Variants in STXBP2 observed in about 807,000 individuals in gnomAD.
The protein encoded by STXBP2 is syntaxin-binding protein 2.
A neutral mutation model predicts 72.2 loss-of-function variants in STXBP2; 47 were observed. The observed-to-expected ratio is 0.65, with a 90% confidence interval of 0.51 to 0.83. STXBP2 has a LOEUF of 0.83. Among genes scored for constraint, STXBP2 ranks in the 40% least tolerant of loss-of-function variants. STXBP2 has a pLI of 0.00. For synonymous variants in STXBP2, 367 were observed against 338.7 expected (o/e 1.08, Z -0.92); for missense variants, 702 against 807.6 (o/e 0.87, Z 1.58).
rs184106932 is a variant in STXBP2, at chr19:7,645,941, C to T, written c.1357-308C>T. On this transcript the variant is annotated intron_variant, in intron 15 of 18. Transcript: ENST00000221283. The stretch of plus-strand genomic sequence containing the variant: ...ATCTTCCTCTCTCTGTTTCCTGCTT[C>T]ATCTCTTGTCTCTCTCTTTGCCTTC... The T allele has an allele frequency of 1.2e-5, 6 of 490,002 alleles. No homozygotes were observed. The East Asian group carries it at 1.8e-4, about 15-fold the overall frequency. The allele number at this position is 490,002 out of a possible 1,614,324, so 30.4% of individuals were successfully genotyped here.
the STXBP2 span, chr19:7,630,030 TGGGG>T: frequency 1.7e-5 from 10 of 573,784 alleles, no homozygotes; most frequent in Admixed American, 4.8e-4. Flanking sequence ...GACGCTGGGC[TGGGG>T]GGGTTCTCGG....
intron 4 of STXBP2, chr19:7,640,064 G>A (rs1599391998): frequency 3.1e-6 from 2 of 639,726 alleles, no homozygotes; most frequent in East Asian, 6.1e-5. Context: ...GTGTATGTGT[G>A]TATGCGTGTG....
In STXBP2 at chr19:7,645,244, C is replaced by T; in HGVS notation, c.1294C>T (p.Gln432Ter). ...CAAGCTGATCCAGCATGCCAATGTA[C>T]AGGCGCACAGCAGCCTCATCCGTAA... ...LAKLIQHANV[Q>*]AHSSLIRNLE... Residue 432 changes from glutamine (Q) to a stop codon, truncating the protein, a stop_gained, in exon 15 of 19, where the codon CAG (glutamine) becomes TAG (stop). Transcript: ENST00000221283. LOFTEE classifies it high-confidence loss of function. 1.3e-6 allele frequency: 2 copies of T among 1,581,122 alleles called. No individual in the cohort carries two copies. Among genetic ancestry groups the T allele is most frequent in the Non-Finnish European group, 1.7e-6 (2 of 1,162,424 alleles).
At chr19:7,630,440 G>A in the STXBP2 span, 2 of 693,980 alleles carry the variant, frequency 2.9e-6, no homozygotes, top group African/African-American at 1.8e-5. Context: ...CCCTTGGTGG[G>A]AGTTCTGGGA....
chr19:7,643,550 C>A (rs1423198924), intron 13 of STXBP2, among the ~76,000 whole-genome samples: 2 of 149,404 alleles, frequency 1.3e-5, no homozygotes, highest in Non-Finnish European at 3.0e-5. Flanking sequence ...GTGGGTGGGA[C>A]CTTGGAGAGG....
chr19:7,633,561 C>T, upstream of STXBP2: 2 of 1,118,822 alleles, frequency 1.8e-6, no homozygotes, highest in Non-Finnish European at 2.6e-6. Flanking sequence ...CCCCCCATCC[C>T]CAAATCCCCA....
At chr19:7,635,933 T>G (rs1398399818), upstream of STXBP2, among the ~76,000 whole-genome samples, 1 of 152,110 alleles carries the variant, frequency 6.6e-6, no homozygotes, top group Non-Finnish European at 1.5e-5. Flanking sequence ...CCAGCCTTCT[T>G]AAGCTCGGGG....
chr19:7,631,067 G>C, the STXBP2 span: 1 of 744,932 alleles, frequency 1.3e-6, no homozygotes, highest in East Asian at 2.8e-5. Flanking sequence ...ACTTAGCCAG[G>C]CATGGTGGCA....
upstream of STXBP2, among the ~76,000 whole-genome samples, chr19:7,634,506 A>G (rs1026562978): frequency 2.0e-5 from 3 of 152,236 alleles, no homozygotes; most frequent in African/African-American, 4.8e-5. Flanking sequence ...GTCATAGACC[A>G]GATGGCTTAA....
At position 7,638,692 on chromosome 19, in the gene STXBP2, C is replaced by T. The variant is rs1647226450; in HGVS notation, c.38-34C>T. 9 of 1,612,996 alleles carry T rather than the reference C, an allele frequency of 5.6e-6. No individual in the cohort carries two copies. In the South Asian group the frequency reaches 7.7e-5, roughly 14 times the overall value. ...TGGGGCAGTGGTGGGACCAGAGAAC[C>T]AGCATTCTGACCCCTCCCCTCCCTT... On this transcript the variant is annotated intron_variant, in intron 1 of 18. Coordinates refer to ENST00000221283, the MANE Select transcript of STXBP2 (RefSeq NM_006949.4).
At position 7,642,239 on chromosome 19, in the gene STXBP2, G is replaced by A; in HGVS notation, c.700G>A (p.Asp234Asn). Residue 234 changes from aspartate (D) to asparagine (N), a missense_variant, in exon 9 of 19, where the codon GAC (aspartate) becomes AAC (asparagine). Asp to Asn is a conservative substitution (Grantham distance 23, BLOSUM62 1). Coordinates refer to ENST00000221283, the MANE Select transcript of STXBP2 (RefSeq NM_006949.4). This position sits in a 1 kb window ranked among gnomAD's most constrained non-coding sequence, Gnocchi z 6.0. ...EKTRSQLLIMDRAADPVSPLL... is the reference protein window; with the variant it reads ...EKTRSQLLIMNRAADPVSPLL... ...AACCCGCTCCCAGCTGCTGATAATG[G>A]ACCGGGCAGCTGACCCCGTGTCCCC... 1 of 1,614,156 alleles carries A rather than the reference G, an allele frequency of 6.2e-7. No homozygotes were observed. The highest frequency in any genetic ancestry group is 8.5e-7 in the Non-Finnish European group (1 of 1,180,018).
In STXBP2 at chr19:7,640,721, C is replaced by T. The variant is rs1271298334; in HGVS notation, c.247-10C>T. On this transcript the variant is annotated splice_polypyrimidine_tract_variant and intron_variant, in intron 4 of 18. Coordinates refer to ENST00000221283, the MANE Select transcript of STXBP2 (RefSeq NM_006949.4). ...AGGCTCAGGCCCAGAGAGTGATCCA[C>T]CTTCCCCAGTCGGTTCAGGCCCTGA... The T allele has an allele frequency of 6.2e-7, 1 of 1,614,178 alleles. No individual in the cohort carries two copies. Among genetic ancestry groups the T allele is most frequent in the Non-Finnish European group, 8.5e-7 (1 of 1,180,004 alleles).
chr19:7,642,751 C>T lies in STXBP2; in HGVS notation c.903-15C>T, dbSNP rs749966697. On this transcript the variant is annotated splice_polypyrimidine_tract_variant and intron_variant, in intron 10 of 18. Transcript: ENST00000221283. The surrounding 1 kb of genome is among the most constrained non-coding windows in gnomAD (Gnocchi z 6.0). ...CTCTCCCCTCACTCTCACCCCCGCC[C>T]ACCCTCATGGCCAGGAAGGTCACGG... 2 of 1,613,656 alleles carry T rather than the reference C, an allele frequency of 1.2e-6. No individual in the cohort carries two copies. The highest frequency in any genetic ancestry group is 1.7e-6 in the Non-Finnish European group (2 of 1,179,934).
At chr19:7,641,199 TAAAAA>T (rs1417339723) in intron 6 of STXBP2, 196 bp downstream of exon 6, 3 of 663,368 alleles carry the variant, frequency 4.5e-6, no homozygotes, top group Non-Finnish European at 5.4e-6. Flanking sequence ...CCCCGTCTCT[TAAAAA>T]AAGAAAAAGA....
chr19:7,640,122 G>A lies in STXBP2; in HGVS notation c.246+315G>A, dbSNP rs192889549. 7.7e-4 allele frequency: 442 copies of A among 572,746 alleles called. 3 individuals are homozygous for A. The highest frequency in any genetic ancestry group is 7.7e-3 in the African/African-American group (377 of 49,260). The allele number at this position is 572,746 out of a possible 1,614,324, so 35.5% of individuals were successfully genotyped here. On this transcript the variant is annotated intron_variant, in intron 4 of 18. Coordinates refer to ENST00000221283, the MANE Select transcript of STXBP2 (RefSeq NM_006949.4). ...TTTGTGTCTGTGCATGTGTGTATGC[G>A]TGTGTATGTATGTGTGTGTGCATCT...
At chr19:7,639,686 T>G in intron 3 of STXBP2, 45 bp from the exon 4 acceptor site, 2 of 1,576,278 alleles carry the variant, frequency 1.3e-6, no homozygotes, top group Non-Finnish European at 1.7e-6. Flanking sequence ...CACGTGGCCC[T>G]GCCTGGATGC....
chr19:7,642,951 C>G lies in STXBP2; in HGVS notation c.961-32C>G, dbSNP rs762517510. The G allele has an allele frequency of 1.9e-6, 3 of 1,613,880 alleles. No homozygotes were observed. The highest frequency in any genetic ancestry group is 1.1e-5 in the South Asian group (1 of 91,088). ...GTGGGCACTGCCTGGCTTCGCCCCC[C>G]AATCCCTACCCTCTTCCCCCTACTT... On this transcript the variant is annotated intron_variant, in intron 11 of 18. Transcript: ENST00000221283. The surrounding 1 kb of genome is among the most constrained non-coding windows in gnomAD (Gnocchi z 6.0).
the STXBP2 span, chr19:7,630,146 ATCCT>A: frequency 2.2e-6 from 1 of 458,792 alleles, no homozygotes; most frequent in Non-Finnish European, 3.9e-6. Flanking sequence ...AAGACTTAAG[ATCCT>A]GGGGGAGCTC....
rs969393527 is a variant in STXBP2, at chr19:7,637,176, G to C, written c.27G>C (p.Val9=). 74 of 1,243,454 alleles carry C rather than the reference G, an allele frequency of 6.0e-5. No individual in the cohort carries two copies. The highest frequency in any genetic ancestry group is 7.3e-5 in the Non-Finnish European group (72 of 988,454). 77.0% of individuals were successfully genotyped at this position (1,243,454 alleles called of 1,614,324 possible). A position where few individuals can be genotyped will look rare whatever the true frequency, so the allele number is the denominator to read the frequency against. ...TGGCGCCCTCGGGGCTGAAGGCGGT[G>C]GTGGGGGAAAGTGAGTGCCTCTCCG... MAPSGLKA[V]VGEKILSGVI... is the part of the protein sequence containing the mutation. Residue 9 remains valine (V), a synonymous_variant, in exon 1 of 19, where the codon GTG becomes GTC. Transcript: ENST00000221283.
Sources: allele counts gnomAD v4.1 joint callset (sites outside exome capture counted in the v4.1 genomes callset), GRCh38; gene constraint gnomAD v4.1.1; non-coding constraint Gnocchi (gnomAD v3.1); transcripts MANE v1.5; gene names NCBI Gene and HGNC (gene_info 2026-07-23, HGNC 2026-07-21).